The following DOP1B variants were observed in gnomAD, a reference collection of about 807,000 sequenced individuals.
DOP1B encodes the protein DOP1 leucine zipper like protein B.
In DOP1B, 174 loss-of-function variants were observed where a neutral mutation model predicts 233.5. The observed-to-expected ratio is 0.75, with a 90% CI of 0.66 to 0.85. DOP1B has a LOEUF of 0.85. Among genes scored for constraint, DOP1B ranks in the 40% least tolerant of loss-of-function variants. The pLI is 0.00. For missense variants in DOP1B, 2,652 were observed against 2,846.6 expected, an observed-to-expected ratio of 0.93 and a Z score of 1.56; for synonymous variants, 1,190 against 1,185.6, an observed-to-expected ratio of 1.00 and a Z score of -0.08.
rs2067061149 is a variant in DOP1B, at chr21:36,253,833, C to T, written c.5183C>T (p.Thr1728Ile). 2 of 1,613,928 alleles carry T rather than the reference C, an allele frequency of 1.2e-6. No homozygotes were observed. Among genetic ancestry groups the T allele is most frequent in the African/African-American group, 2.7e-5 (2 of 74,894 alleles). Residue 1728 changes from threonine (T) to isoleucine (I), a missense_variant, in exon 23 of 37, where the codon ACC becomes ATC. Thr to Ile is a moderately conservative substitution (Grantham distance 89). This residue lies in a region of DOP1B where 2,617 missense variants were observed against 2,794.3 expected (regional missense o/e 0.94). Transcript: ENST00000691173. The stretch of plus-strand genomic sequence containing the variant: ...GTCGACTTGGTGTGTGCACTCAGCA[C>T]CCTGCAGACTGACACGCTGCTGCAC... Reference protein sequence around the residue: ...TLVDLVCALSTLQTDTLLHLV... With the variant: ...TLVDLVCALSILQTDTLLHLV...
In DOP1B at chr21:36,238,597, C is replaced by T; in HGVS notation, c.2776-4C>T. 6.2e-7 allele frequency: 1 copy of T among 1,614,166 alleles called. No homozygotes were observed. The highest frequency in any genetic ancestry group is 1.3e-5 in the African/African-American group (1 of 75,058). On this transcript the variant is annotated splice_region_variant and splice_polypyrimidine_tract_variant and intron_variant, in intron 16 of 36. Coordinates refer to ENST00000691173, the MANE Select transcript of DOP1B (RefSeq NM_001320714.2). The stretch of plus-strand genomic sequence containing the variant: ...TCCTCACTCCCATGTATCTCCTCAT[C>T]AAGGGAACAAGGCTGGAAGCTCTGT...
At chr21:36,184,373 C>T (rs2300402) in intron 2 of DOP1B, among the ~76,000 whole-genome samples, 22 of 151,950 alleles carry the variant, frequency 1.4e-4, no homozygotes, top group African/African-American at 3.4e-4. Context: ...TTAGTAGAGG[C>T]GGGTTTCGCT....
intron 2 of DOP1B, among the ~76,000 whole-genome samples, chr21:36,167,499 G>A (rs2065923867): frequency 6.6e-6 from 1 of 152,118 alleles, no homozygotes; most frequent in Non-Finnish European, 1.5e-5. Flanking sequence ...TTGTTGGGGA[G>A]GGCACAGTCT....
At chr21:36,264,066 C>T (rs1255954716) in intron 26 of DOP1B, among the ~76,000 whole-genome samples, 1 of 152,204 alleles carries the variant, frequency 6.6e-6, no homozygotes, top group African/African-American at 2.4e-5. Flanking sequence ...CTGCACCCCT[C>T]ACCCTCCACA....
intron 36 of DOP1B, among the ~76,000 whole-genome samples, 183 bp from the exon 37 acceptor site, chr21:36,293,135 GAC>G (rs2067577771): frequency 6.6e-6 from 1 of 151,050 alleles, no homozygotes; most frequent in African/African-American, 2.4e-5. Flanking sequence ...GAACCCGGGA[GAC>G]AGAGGTTGCA....
intron 12 of DOP1B, 40 bp downstream of exon 12, chr21:36,225,707 T>G: frequency 6.3e-7 from 1 of 1,599,068 alleles, no homozygotes; most frequent in African/African-American, 1.3e-5. Context: ...CCTGCTATTA[T>G]TTACATTCTT....
intron 2 of DOP1B, among the ~76,000 whole-genome samples, chr21:36,177,018 C>T (rs1432753328): frequency 3.9e-5 from 6 of 152,098 alleles, no homozygotes; most frequent in East Asian, 1.9e-4. Context: ...GACAGGGTTT[C>T]GCCAGACTGG....
At chr21:36,220,276 T>G (rs2066610292) in intron 10 of DOP1B, among the ~76,000 whole-genome samples, 1 of 152,192 alleles carries the variant, frequency 6.6e-6, no homozygotes, top group Non-Finnish European at 1.5e-5. Context: ...GGTTTATTGT[T>G]TTTCTGAGTA....
chr21:36,238,315 G>A (rs1259507522), intron 16 of DOP1B, among the ~76,000 whole-genome samples: 4 of 152,204 alleles, frequency 2.6e-5, no homozygotes, highest in Non-Finnish European at 5.9e-5. Flanking sequence ...AGGAAGCCAT[G>A]CTCCTTTGTG....
At chr21:36,236,111 A>T (rs1020514781) in intron 15 of DOP1B, among the ~76,000 whole-genome samples, 21 of 152,228 alleles carry the variant, frequency 1.4e-4, no homozygotes, top group Admixed American at 1.2e-3. Flanking sequence ...AACTTCATAT[A>T]GTCTATGAAG....
chr21:36,177,283 T>G (rs2123422377), intron 2 of DOP1B, among the ~76,000 whole-genome samples: 1 of 152,332 alleles, frequency 6.6e-6, no homozygotes, highest in South Asian at 2.1e-4. Flanking sequence ...CACAGCAGCC[T>G]CAGTGAGGGC....
chr21:36,226,284 GTCTC>G lies in DOP1B; in HGVS notation c.1473+627_1473+630del, dbSNP rs199497602. On this transcript the variant is annotated intron_variant, in intron 12 of 36. Transcript: ENST00000691173. ...ATAGAAATGTTCTTTTCTTTTCTCT[GTCTC>G]TCTCTCTCTTTTTTTTTTTTTCTCC... is the stretch of plus-strand genomic sequence containing the variant. Among the ~76,000 whole-genome samples, 3 of 148,042 alleles carry G rather than the reference GTCTC, an allele frequency of 2.0e-5. No individual in the cohort carries two copies. In the South Asian group the frequency reaches 6.4e-4, roughly 31 times the overall value.
chr21:36,217,418 A>G (rs1349213274), intron 9 of DOP1B, among the ~76,000 whole-genome samples: 1 of 152,158 alleles, frequency 6.6e-6, no homozygotes, highest in Non-Finnish European at 1.5e-5. Flanking sequence ...TTCTCCCACT[A>G]TGCCTGTTTT....
At position 36,288,825 on chromosome 21, in the gene DOP1B, G is replaced by T. The variant is rs150219652; in HGVS notation, c.6353+14G>T. The T allele has an allele frequency of 2.5e-6, 4 of 1,604,444 alleles. No individual in the cohort carries two copies. The African/African-American group carries it at 5.3e-5, about 21-fold the overall frequency. ...TGAGTCATTGAGGTAAGCAGTACAAGATCTGTACACAAGAGGAAAAGATAG... is the reference window on the plus strand; with the variant it reads ...TGAGTCATTGAGGTAAGCAGTACAATATCTGTACACAAGAGGAAAAGATAG... On this transcript the variant is annotated intron_variant, in intron 34 of 36. Transcript: ENST00000691173.
intron 21 of DOP1B, 62 bp from the exon 22 acceptor site, chr21:36,251,100 A>G (rs374749865): frequency 6.4e-7 from 1 of 1,564,996 alleles, no homozygotes; most frequent in Non-Finnish European, 8.6e-7. Context: ...TGGTGGTTCA[A>G]TGTATATGAT....
At chr21:36,249,288 T>TA (rs1015161856) in intron 21 of DOP1B, among the ~76,000 whole-genome samples, 8 of 151,660 alleles carry the variant, frequency 5.3e-5, no homozygotes, top group African/African-American at 1.9e-4. Flanking sequence ...ATTAGCTGGG[T>TA]ATGGTGGCAG....
chr21:36,284,557 CTG>C (rs1277222793), intron 32 of DOP1B, among the ~76,000 whole-genome samples: 1 of 152,146 alleles, frequency 6.6e-6, no homozygotes. Flanking sequence ...GCATGAGCCA[CTG>C]CGCCCAGCCC....
At chr21:36,261,645 C>T (rs963252909) in intron 24 of DOP1B, 4 of 985,240 alleles carry the variant, frequency 4.1e-6, no homozygotes, top group South Asian at 4.7e-5. Context: ...GGTGGCTCAA[C>T]GCCTGTAATC....
rs373254458 is a variant in DOP1B at position 36,278,214 on chromosome 21, A to G, written c.5828A>G (p.Tyr1943Cys). Residue 1943 changes from tyrosine (Y) to cysteine (C), a missense_variant, in exon 30 of 37, where the codon TAC becomes TGC. Coordinates refer to ENST00000691173, the MANE Select transcript of DOP1B (RefSeq NM_001320714.2). ...CTCTTCCCACTCCCACTCAGTGCCT[A>G]CAATGCTCCCAGCTTCCGGGCTGGC... is the stretch of plus-strand genomic sequence containing the variant. The part of the protein sequence containing the change: ...VFPYLRNHSA[Y>C]NAPSFRAGAQ... The G allele has an allele frequency of 5.0e-6, 8 of 1,613,916 alleles. No individual in the cohort carries two copies. The African/African-American group carries it at 6.7e-5, about 13-fold the overall frequency.
Sources: allele counts gnomAD v4.1 joint callset (sites outside exome capture counted in the v4.1 genomes callset), GRCh38; gene constraint gnomAD v4.1.1; regional missense constraint gnomAD v4.1.1; transcripts MANE v1.5; gene names NCBI Gene and HGNC (gene_info 2026-07-23, HGNC 2026-07-21).